C14orf39: variants seen among roughly 807,000 people sequenced by gnomAD.
The protein encoded by C14orf39 is protein SIX6OS1.
Under a neutral mutation model 85.6 loss-of-function variants are expected in C14orf39, and 66 were observed. That is an observed-to-expected ratio of 0.77 (90% CI 0.63 to 0.95). The LOEUF (loss-of-function observed/expected upper bound fraction) is 0.95, where lower values mean the gene tolerates loss of function less well. Ranked by LOEUF, C14orf39 falls within the 40% of genes least tolerant of loss-of-function variation. The pLI is 0.00. For missense variants in C14orf39, 735 were observed against 663.9 expected (o/e 1.11, Z -1.18); for synonymous variants, 242 against 214.0 (o/e 1.13, Z -1.14).
chr14:60,436,967 C>T lies in C14orf39; in HGVS notation c.1642G>A (p.Ala548Thr). 2 of 1,612,950 alleles carry T rather than the reference C, an allele frequency of 1.2e-6. No individual in the cohort carries two copies. Among genetic ancestry groups the T allele is most frequent in the Non-Finnish European group, 1.7e-6 (2 of 1,179,282 alleles). Residue 548 changes from alanine (A) to threonine (T), a missense_variant, in exon 18 of 18, where the codon GCT becomes ACT. Transcript: ENST00000321731. ...GGAAAACTAAAATCATCTTTTCCAG[C>T]TCCAAATGTATGAGTTGAAGTGTCT... ...PSDTSTHTFGAGKDDFSFPFS... is the reference protein window; with the variant it reads ...PSDTSTHTFGTGKDDFSFPFS...
In C14orf39 at chr14:60,437,064, T is replaced by G; in HGVS notation, c.1562-17A>C. The G allele has an allele frequency of 6.5e-7, 1 of 1,528,794 alleles. No individual in the cohort carries two copies. The highest frequency in any genetic ancestry group is 2.0e-4 in the Middle Eastern group (1 of 5,116). 94.7% of individuals were successfully genotyped at this position (1,528,794 alleles called of 1,614,324 possible). On this transcript the variant is annotated splice_polypyrimidine_tract_variant and intron_variant, in intron 17 of 17. Coordinates refer to ENST00000321731, the MANE Select transcript of C14orf39 (RefSeq NM_174978.3). ...GTAAGTTTCCTAAGGAAGATAAACA[T>G]TACAATATCATGCTCTTCATATTAT...
intron 11 of C14orf39, among the ~76,000 whole-genome samples, chr14:60,465,002 T>C (rs1011555612): frequency 6.6e-5 from 10 of 152,150 alleles, no homozygotes; most frequent in African/African-American, 2.2e-4. Context: ...ATTTCTCTTC[T>C]GGTGGTTACC....
intron 17 of C14orf39, among the ~76,000 whole-genome samples, chr14:60,440,801 C>A (rs541618849): frequency 6.6e-6 from 1 of 152,228 alleles, no homozygotes; most frequent in Non-Finnish European, 1.5e-5. Context: ...ATAAATCATA[C>A]CAATTTAACT....
At chr14:60,495,589 G>T in intron 2 of C14orf39, 1 of 226,852 alleles carries the variant, frequency 4.4e-6, no homozygotes, top group South Asian at 8.5e-5. Flanking sequence ...ATTTTGTCCT[G>T]GAACTTGGCA....
At chr14:60,453,404 T>C (rs1340423149) in intron 16 of C14orf39, among the ~76,000 whole-genome samples, 1 of 151,948 alleles carries the variant, frequency 6.6e-6, no homozygotes, top group Non-Finnish European at 1.5e-5. Flanking sequence ...GATACATCAT[T>C]TTCCATCCAT....
chr14:60,466,065 T>C lies in C14orf39; in HGVS notation c.896-10A>G. ...CTTTCTTCTTTTATATCTAGATTATTAAATAGTACTACTTTAAATCAATGC... is the reference window on the plus strand; with the variant it reads ...CTTTCTTCTTTTATATCTAGATTATCAAATAGTACTACTTTAAATCAATGC... On this transcript the variant is annotated splice_polypyrimidine_tract_variant and intron_variant, in intron 10 of 17. Transcript: ENST00000321731. 7.5e-7 allele frequency: 1 copy of C among 1,332,348 alleles called. No homozygotes were observed. Among genetic ancestry groups the C allele is most frequent in the Admixed American group, 2.3e-5 (1 of 43,470 alleles). The allele number at this position is 1,332,348 out of a possible 1,614,324, so 82.5% of individuals were successfully genotyped here. A position where few individuals can be genotyped will look rare whatever the true frequency, so the allele number is the denominator to read the frequency against.
At chr14:60,481,363 A>C (rs887766961) in intron 4 of C14orf39, among the ~76,000 whole-genome samples, 4 of 152,168 alleles carry the variant, frequency 2.6e-5, no homozygotes, top group Non-Finnish European at 4.4e-5. Flanking sequence ...ACTTAATCAA[A>C]ATTTATGCTT....
rs146737847 is a variant in C14orf39 at position 60,509,783 on chromosome 14, G to A, written c.-144+5612C>T. The A allele has an allele frequency of 5.6e-3, 9,029 of 1,613,104 alleles. 37 individuals carry two copies. Among genetic ancestry groups the A allele is most frequent in the Non-Finnish European group, 6.8e-3 (7,992 of 1,179,156 alleles). ...GCTGCCGCGCACCATTTGGGACGGC[G>A]AACAGAAGACACACTGCTTCAAGGA... On this transcript the variant is annotated intron_variant, in intron 1 of 5. Transcript: ENST00000556799.
intron 15 of C14orf39, among the ~76,000 whole-genome samples, chr14:60,455,983 G>A (rs1395954184): frequency 6.6e-6 from 1 of 152,030 alleles, no homozygotes; most frequent in African/African-American, 2.4e-5. Flanking sequence ...TAGCGTATGA[G>A]CTCACATTAT....
At chr14:60,510,789 A>C (rs943780805) in intron 1 of C14orf39, among the ~76,000 whole-genome samples, 1 of 152,242 alleles carries the variant, frequency 6.6e-6, no homozygotes, top group African/African-American at 2.4e-5. Context: ...TAAATCTCCC[A>C]AAAGTGCACA....
chr14:60,442,129 A>C lies in C14orf39; in HGVS notation c.1506T>G (p.Phe502Leu). 2 of 1,589,224 alleles carry C rather than the reference A, an allele frequency of 1.3e-6. No homozygotes were observed. Among genetic ancestry groups the C allele is most frequent in the Non-Finnish European group, 1.7e-6 (2 of 1,157,966 alleles). ...VFDTEISSDQ[F>L]NEHYSARNLN... ...GATTTCTTGCAGAATAATGTTCATTAAACTGGAAAATAATTTCCATTAAAT... is the reference window on the plus strand; with the variant it reads ...GATTTCTTGCAGAATAATGTTCATTCAACTGGAAAATAATTTCCATTAAAT... Residue 502 changes from phenylalanine to leucine, a missense_variant and splice_region_variant, in exon 17 of 18, where the codon TTT becomes TTG. Coordinates refer to ENST00000321731, the MANE Select transcript of C14orf39 (RefSeq NM_174978.3).
At position 60,484,181 on chromosome 14, in the gene C14orf39, T is replaced by C. The variant is rs1423987624; in HGVS notation, c.107-364A>G. 6.6e-6 allele frequency among the ~76,000 whole-genome samples: 1 copy of C among 152,228 alleles called. No homozygotes were observed. The highest frequency in any genetic ancestry group is 1.5e-5 in the Non-Finnish European group (1 of 68,036). On this transcript the variant is annotated intron_variant, in intron 3 of 17. Transcript: ENST00000321731. The surrounding 1 kb of genome is among the most constrained non-coding windows in gnomAD (Gnocchi z 4.2). The stretch of plus-strand genomic sequence containing the variant: ...TAATGACACTAATAGAAGCCTTCTG[T>C]TTTTGACAAATGTGAAATTTCTATT...
At position 60,461,544 on chromosome 14, in the gene C14orf39, G is replaced by A. The variant is rs768469771; in HGVS notation, c.1022C>T (p.Thr341Met). ...AAACTTTTGTGAACTTGTGATAGTC[G>A]TAATATGTGAACATTTTGAATGGTT... ...VDNHSKCSHI[T>M]TITSSQKFMQ... The change falls in exon 12 of 18, where the codon ACG becomes ATG. Residue 341 changes from threonine to methionine, a missense_variant. Physicochemically the swap from Thr to Met is moderately conservative, Grantham distance 81. Coordinates refer to ENST00000321731, the MANE Select transcript of C14orf39 (RefSeq NM_174978.3). 3.3e-5 allele frequency: 52 copies of A among 1,587,314 alleles called. No individual in the cohort carries two copies. In the South Asian group the frequency reaches 3.6e-4, roughly 11 times the overall value.
intron 2 of C14orf39, among the ~76,000 whole-genome samples, chr14:60,498,980 C>T (rs1447472506): frequency 1.3e-5 from 2 of 152,084 alleles, no homozygotes; most frequent in Admixed American, 1.3e-4. Flanking sequence ...ACTGAAGGGC[C>T]GGGCACGGTG....
chr14:60,451,953 C>G (rs1200127580), intron 16 of C14orf39, among the ~76,000 whole-genome samples: 2 of 151,552 alleles, frequency 1.3e-5, no homozygotes, highest in Non-Finnish European at 2.9e-5. Context: ...GAGGCTGAGG[C>G]AGGCAGATAA....
At chr14:60,471,920 T>C (rs1892105002) in intron 5 of C14orf39, among the ~76,000 whole-genome samples, 181 bp from the exon 6 acceptor site, 1 of 152,036 alleles carries the variant, frequency 6.6e-6, no homozygotes, top group Non-Finnish European at 1.5e-5. Context: ...AACTTGACTC[T>C]TTTTCTTCAT....
upstream of C14orf39, among the ~76,000 whole-genome samples, chr14:60,487,420 C>T (rs1182339021): frequency 6.6e-6 from 1 of 151,870 alleles, no homozygotes; most frequent in East Asian, 1.9e-4. Flanking sequence ...GCATAATGTC[C>T]CACAGGCTCA....
chr14:60,507,955 G>A (rs559584007), intron 1 of C14orf39, among the ~76,000 whole-genome samples: 1 of 152,118 alleles, frequency 6.6e-6, no homozygotes, highest in Admixed American at 6.5e-5. Context: ...TTTGACCCAG[G>A]CCTCAGAAAA....
chr14:60,500,255 G>A lies in C14orf39; in HGVS notation c.-143-825C>T, dbSNP rs1264936582. Among the ~76,000 whole-genome samples the A allele has an allele frequency of 4.6e-5, 7 of 152,256 alleles. No homozygotes were observed. The East Asian group carries it at 1.2e-3, about 25-fold the overall frequency. On this transcript the variant is annotated intron_variant, in intron 1 of 5. Transcript: ENST00000556799. ...TCGGTCAGGCTGGTCTCGAACTCCC[G>A]ACCTCAGGTGATCCACCCACCTCAG...
Sources: gnomAD v4.1 joint callset for allele counts (sites outside exome capture counted in the v4.1 genomes callset) on GRCh38, gnomAD v4.1.1 for gene constraint, Gnocchi (gnomAD v3.1) non-coding constraint, MANE v1.5 for transcripts, NCBI Gene and HGNC (gene_info 2026-07-23, HGNC 2026-07-21) for gene names.